The following SMARCC1 variants were observed in gnomAD, a reference collection of about 807,000 sequenced individuals.
SMARCC1 encodes the protein SWI/SNF related BAF chromatin remodeling complex subunit C1, also known as SWI/SNF complex subunit SMARCC1.
Under a neutral mutation model 147.4 loss-of-function variants are expected in SMARCC1, and 43 were observed. The ratio of observed to expected loss-of-function variants is 0.29; its 90% CI spans 0.23 to 0.38. SMARCC1 has a LOEUF of 0.38. Among genes scored for constraint, SMARCC1 ranks in the 10% least tolerant of loss-of-function variants. The pLI, the probability that SMARCC1 is intolerant of heterozygous loss-of-function variation, is 1.00. For synonymous variants in SMARCC1, 495 were observed against 484.4 expected, an observed-to-expected ratio of 1.02 and a Z score of -0.29; for missense variants, 1,119 against 1,381.1, an observed-to-expected ratio of 0.81 and a Z score of 3.01.
chr3:47,710,337 TA>T (rs2034068991), intron 9 of SMARCC1, among the ~76,000 whole-genome samples: 1 of 151,968 alleles, frequency 6.6e-6, no homozygotes, highest in Admixed American at 6.6e-5. Context: ...ATATACATAC[TA>T]AACAAAATGA....
intron 3 of SMARCC1, among the ~76,000 whole-genome samples, chr3:47,744,064 T>C (rs1292863821): frequency 6.6e-6 from 1 of 152,092 alleles, no homozygotes; most frequent in Admixed American, 6.6e-5. Context: ...GGGAATACCA[T>C]CGTGAGAGGT....
intron 11 of SMARCC1, among the ~76,000 whole-genome samples, chr3:47,698,186 T>C (rs1317018503): frequency 6.6e-6 from 1 of 151,496 alleles, no homozygotes; most frequent in Non-Finnish European, 1.5e-5. Flanking sequence ...ACAAAAATCT[T>C]ACAATTAAAT....
chr3:47,653,459 T>C (rs2033220135), intron 21 of SMARCC1, among the ~76,000 whole-genome samples: 1 of 152,168 alleles, frequency 6.6e-6, no homozygotes, highest in Admixed American at 6.5e-5. Flanking sequence ...CAATAAATAG[T>C]ACCATGAACC....
chr3:47,637,690 C>A (rs371594539), intron 22 of SMARCC1, among the ~76,000 whole-genome samples: 2 of 148,012 alleles, frequency 1.4e-5, no homozygotes, highest in African/African-American at 5.0e-5. Context: ...CCAGCCTGTG[C>A]GACAGAGTGA....
chr3:47,692,761 G>A (rs1299926605), intron 12 of SMARCC1, among the ~76,000 whole-genome samples: 1 of 152,126 alleles, frequency 6.6e-6, no homozygotes, highest in African/African-American at 2.4e-5. Flanking sequence ...GGTGGCTCAC[G>A]CCTGTAATCC....
intron 22 of SMARCC1, 64 bp from the exon 23 acceptor site, chr3:47,636,200 T>C (rs1226809091): frequency 2.4e-6 from 2 of 817,100 alleles, no homozygotes; most frequent in Non-Finnish European, 4.0e-6. Context: ...TTTTTATGAG[T>C]AATTATCTTA....
chr3:47,611,822 G>A (rs989704354), intron 25 of SMARCC1, among the ~76,000 whole-genome samples: 1 of 152,176 alleles, frequency 6.6e-6, no homozygotes, highest in East Asian at 1.9e-4. Flanking sequence ...TGGGAAGACA[G>A]GCCATGAACA....
At chr3:47,641,166 A>G (rs2033042715) in intron 21 of SMARCC1, among the ~76,000 whole-genome samples, 1 of 152,250 alleles carries the variant, frequency 6.6e-6, no homozygotes, top group South Asian at 2.1e-4. Flanking sequence ...ATTGTCATAC[A>G]GGCCAAAGCC....
intron 12 of SMARCC1, among the ~76,000 whole-genome samples, chr3:47,690,630 G>A (rs1233736163): frequency 6.6e-6 from 1 of 152,118 alleles, no homozygotes; most frequent in African/African-American, 2.4e-5. Flanking sequence ...CCAAATCGGG[G>A]TTCTGCAAAA....
At chr3:47,601,045 G>GAC (rs2032376662) in intron 26 of SMARCC1, among the ~76,000 whole-genome samples, 2 of 138,632 alleles carry the variant, frequency 1.4e-5, no homozygotes, top group African/African-American at 5.3e-5. Flanking sequence ...GAGAGAGAGA[G>GAC]AGACATGGCA....
chr3:47,679,266 T>G, intron 15 of SMARCC1, among the ~76,000 whole-genome samples: 1 of 149,304 alleles, frequency 6.7e-6, no homozygotes, highest in Non-Finnish European at 1.5e-5. Flanking sequence ...CATGGGAGGG[T>G]ATGTACAGTA....
At chr3:47,620,082 G>A (rs1024413058) in intron 25 of SMARCC1, among the ~76,000 whole-genome samples, 13 of 152,140 alleles carry the variant, frequency 8.5e-5, no homozygotes, top group Non-Finnish European at 1.8e-4. Flanking sequence ...AGTCAAAATC[G>A]TCAGAGGTAA....
chr3:47,718,573 T>C (rs2034190697), intron 7 of SMARCC1, among the ~76,000 whole-genome samples: 2 of 150,956 alleles, frequency 1.3e-5, no homozygotes, highest in South Asian at 4.2e-4. Context: ...AAGTGGGGGG[T>C]AGGGGCAAGG....
intron 10 of SMARCC1, among the ~76,000 whole-genome samples, chr3:47,705,381 G>A (rs899045367): frequency 6.7e-5 from 10 of 148,742 alleles, no homozygotes; most frequent in Non-Finnish European, 1.5e-4. Context: ...AACAGCTAAC[G>A]AAAAATCTAT....
At chr3:47,642,208 T>C (rs768946069) in intron 21 of SMARCC1, among the ~76,000 whole-genome samples, 9 of 152,178 alleles carry the variant, frequency 5.9e-5, no homozygotes, top group African/African-American at 9.7e-5. Context: ...ATAAGATCTA[T>C]AAAGAAAAAG....
chr3:47,596,929 C>G (rs941363682), intron 26 of SMARCC1, among the ~76,000 whole-genome samples: 2 of 151,656 alleles, frequency 1.3e-5, no homozygotes, highest in African/African-American at 2.4e-5. Flanking sequence ...GGGGCGGTGG[C>G]TCCTGCCTGT....
At chr3:47,778,411 T>C (rs1464680592) in intron 1 of SMARCC1, among the ~76,000 whole-genome samples, 1 of 151,934 alleles carries the variant, frequency 6.6e-6, no homozygotes, top group African/African-American at 2.4e-5. Context: ...TAGGCTCAAG[T>C]GATCCTCCAA....
intron 19 of SMARCC1, among the ~76,000 whole-genome samples, chr3:47,668,405 C>T (rs2033451168): frequency 6.6e-6 from 1 of 151,984 alleles, no homozygotes; most frequent in African/African-American, 2.4e-5. Flanking sequence ...TCATTTCTAC[C>T]GATTAAAGAT....
chr3:47,653,116 C>T (rs373787385), intron 21 of SMARCC1, among the ~76,000 whole-genome samples: 1 of 152,068 alleles, frequency 6.6e-6, no homozygotes, highest in Non-Finnish European at 1.5e-5. Flanking sequence ...CGCCACCGCG[C>T]CCGGCTAATT....
Sources: gnomAD v4.1 joint callset for allele counts (sites outside exome capture counted in the v4.1 genomes callset) on GRCh38, gnomAD v4.1.1 for gene constraint, MANE v1.5 for transcripts, NCBI Gene and HGNC (gene_info 2026-07-23, HGNC 2026-07-21) for gene names.